CDH13: variants seen among roughly 807,000 people sequenced by gnomAD.
CDH13 encodes cadherin 13.
Under a neutral mutation model 63.8 loss-of-function variants are expected in CDH13, and 24 were observed. The ratio of observed to expected loss-of-function variants is 0.38; its 90% CI spans 0.27 to 0.53. The LOEUF is 0.53. CDH13 is among the 20% of genes least tolerant of loss of function. CDH13 has a pLI of 0.85. For synonymous variants in CDH13, 503 were observed against 355.3 expected (o/e 1.42, Z -4.67); for missense variants, 1,049 against 903.1 (o/e 1.16, Z -2.07).
intron 2 of CDH13, among the ~76,000 whole-genome samples, chr16:82,919,633 C>T (rs189952784): frequency 2.5e-4 from 38 of 152,214 alleles, no homozygotes; most frequent in African/African-American, 9.2e-4. Context: ...AGTTTGATTC[C>T]ATGTTTATTG....
chr16:83,691,636 C>T (rs1163856183), intron 10 of CDH13, among the ~76,000 whole-genome samples: 2 of 152,192 alleles, frequency 1.3e-5, no homozygotes, highest in East Asian at 1.9e-4. Context: ...TTCCGTACAA[C>T]GGTGCTGTTA....
intron 10 of CDH13, among the ~76,000 whole-genome samples, chr16:83,719,911 G>C (rs1322707110): frequency 6.6e-6 from 1 of 152,148 alleles, no homozygotes; most frequent in South Asian, 2.1e-4. Context: ...TGCAGCATAG[G>C]GGACAGTGGG....
intron 10 of CDH13, among the ~76,000 whole-genome samples, chr16:83,697,241 G>T (rs148010082): frequency 1.1e-4 from 16 of 152,318 alleles, no homozygotes; most frequent in African/African-American, 3.6e-4. Flanking sequence ...CACATTCACA[G>T]TTGAGCTCAA....
chr16:83,617,533 C>A (rs992968911), intron 8 of CDH13, among the ~76,000 whole-genome samples: 19 of 151,148 alleles, frequency 1.3e-4, no homozygotes, highest in Non-Finnish European at 2.4e-4. Flanking sequence ...TATATAATAT[C>A]TATTCTTTTC....
intron 7 of CDH13, among the ~76,000 whole-genome samples, chr16:83,524,744 G>C (rs895247109): frequency 6.6e-6 from 1 of 152,002 alleles, no homozygotes; most frequent in African/African-American, 2.4e-5. Context: ...GAGCCACCTC[G>C]CCCGGCCAAA....
intron 6 of CDH13, among the ~76,000 whole-genome samples, chr16:83,482,405 C>G (rs1375851465): frequency 6.6e-6 from 1 of 152,230 alleles, no homozygotes; most frequent in African/African-American, 2.4e-5. Context: ...GAGAGACACC[C>G]TCTCTTGGAG....
rs1209073603 is a variant in CDH13 at position 82,824,270 on chromosome 16, A to G, written c.46-34092A>G. 1.3e-5 allele frequency: 2 copies of G among 152,094 alleles called. 1 individual carries two copies. The highest frequency in any genetic ancestry group is 2.9e-5 in the Non-Finnish European group (2 of 68,018). The allele number at this position is 152,094 out of a possible 1,614,324, so 9.4% of individuals were successfully genotyped here. On this transcript the variant is annotated intron_variant, in intron 1 of 13. Transcript: ENST00000567109. ...AAAATTATTTATAGGTTACCTTACA[A>G]AGATGATAGAAACCATCTCATTATT...
At chr16:83,480,421 G>C (rs1384634802) in intron 6 of CDH13, among the ~76,000 whole-genome samples, 1 of 151,906 alleles carries the variant, frequency 6.6e-6, no homozygotes, top group Non-Finnish European at 1.5e-5. Context: ...CCACTGGCTT[G>C]ATTCTGCTTT....
intron 1 of CDH13, among the ~76,000 whole-genome samples, chr16:82,657,790 C>T (rs763448853): frequency 6.6e-6 from 1 of 152,170 alleles, no homozygotes; most frequent in African/African-American, 2.4e-5. Flanking sequence ...ATCTTGTAAT[C>T]TTGGCATAAT....
At chr16:83,335,707 T>A (rs1286211241) in intron 5 of CDH13, among the ~76,000 whole-genome samples, 1 of 152,078 alleles carries the variant, frequency 6.6e-6, no homozygotes, top group African/African-American at 2.4e-5. Context: ...TTACAGAAAT[T>A]GTATAGAAAA....
intron 7 of CDH13, among the ~76,000 whole-genome samples, chr16:83,489,336 GC>G (rs1369678900): frequency 7.9e-5 from 12 of 152,066 alleles, no homozygotes; most frequent in Admixed American, 7.9e-4. Context: ...AACATCAACA[GC>G]CCCCCAAAAA....
At chr16:82,739,862 A>T (rs1240689120) in intron 1 of CDH13, among the ~76,000 whole-genome samples, 1 of 152,204 alleles carries the variant, frequency 6.6e-6, no homozygotes, top group African/African-American at 2.4e-5. Flanking sequence ...TTTTAACTTC[A>T]AAATAACCCT....
At chr16:82,940,824 C>T (rs890428489) in intron 2 of CDH13, among the ~76,000 whole-genome samples, 1 of 152,116 alleles carries the variant, frequency 6.6e-6, no homozygotes, top group African/African-American at 2.4e-5. Context: ...CCCATGACTC[C>T]TAATTGTTGT....
At chr16:83,151,121 A>G (rs2036960773) in intron 4 of CDH13, among the ~76,000 whole-genome samples, 1 of 152,172 alleles carries the variant, frequency 6.6e-6, no homozygotes, top group East Asian at 1.9e-4. Context: ...CCAGATACTA[A>G]TCAGGTACTG....
intron 1 of CDH13, among the ~76,000 whole-genome samples, chr16:82,831,861 G>A (rs1161884535): frequency 6.6e-6 from 1 of 152,118 alleles, no homozygotes; most frequent in Non-Finnish European, 1.5e-5. Flanking sequence ...TGACTTTCCA[G>A]GAAACAACCA....
intron 9 of CDH13, among the ~76,000 whole-genome samples, chr16:83,674,272 T>C (rs975683243): frequency 9.9e-5 from 15 of 152,176 alleles, no homozygotes; most frequent in African/African-American, 3.4e-4. Flanking sequence ...GAGCCAGCAG[T>C]GGGGTGCCTC....
At chr16:83,576,198 C>T (rs756779320) in intron 7 of CDH13, among the ~76,000 whole-genome samples, 34 of 152,212 alleles carry the variant, frequency 2.2e-4, no homozygotes, top group African/African-American at 8.2e-4. Context: ...TAAAAACAAC[C>T]TCCTTTCTGT....
rs187805315 is a variant in CDH13 at position 83,507,272 on chromosome 16, C to A, written c.960+20617C>A. 7.6e-4 allele frequency among the ~76,000 whole-genome samples: 116 copies of A among 152,288 alleles called. 2 individuals carry two copies. Among genetic ancestry groups the A allele is most frequent in the Middle Eastern group, 3.4e-3 (1 of 294 alleles). On this transcript the variant is annotated intron_variant, in intron 7 of 13. Transcript: ENST00000567109. ...TTACAGTCTCTCTCCTCTGTCGATTCTAGGCTTCTTGAGAAAGTTTGTAAT... is the reference window on the plus strand; with the variant it reads ...TTACAGTCTCTCTCCTCTGTCGATTATAGGCTTCTTGAGAAAGTTTGTAAT...
intron 1 of CDH13, among the ~76,000 whole-genome samples, chr16:82,754,696 T>A (rs1567501879): frequency 1.3e-5 from 2 of 152,234 alleles, no homozygotes; most frequent in Admixed American, 6.5e-5. Context: ...CTCTACCTTT[T>A]GTTACGATGA....
Sources: allele counts gnomAD v4.1 joint callset (sites outside exome capture counted in the v4.1 genomes callset), GRCh38; gene constraint gnomAD v4.1.1; transcripts MANE v1.5; gene names NCBI Gene and HGNC (gene_info 2026-07-23, HGNC 2026-07-21).